DPY19L4: variants seen among roughly 807,000 people sequenced by gnomAD.
DPY19L4 encodes the protein dpy-19 like 4.
In DPY19L4, 97 loss-of-function variants were observed where a neutral mutation model predicts 102.8. The ratio of observed to expected loss-of-function variants is 0.94; its 90% CI spans 0.80 to 1.12. DPY19L4 has a LOEUF of 1.12. Ranked by LOEUF, DPY19L4 falls within the 50% of genes most tolerant of loss-of-function variation. The pLI is 0.00. For synonymous variants in DPY19L4, 252 were observed against 283.1 expected (o/e 0.89, Z 1.10); for missense variants, 815 against 850.4 (o/e 0.96, Z 0.52).
chr8:94,759,020 C>A (rs1036952891), intron 7 of DPY19L4, among the ~76,000 whole-genome samples: 2 of 152,136 alleles, frequency 1.3e-5, no homozygotes, highest in African/African-American at 4.8e-5. Flanking sequence ...TTGGTTCTTT[C>A]CAGTGGGTTC....
chr8:94,750,785 C>CTTTTT, intron 6 of DPY19L4, among the ~76,000 whole-genome samples: 1 of 140,968 alleles, frequency 7.1e-6, no homozygotes, highest in East Asian at 2.0e-4. Context: ...CCAAAATTTC[C>CTTTTT]TTTTTTTTTT....
At chr8:94,769,030 A>G (rs1586395239) in intron 12 of DPY19L4, among the ~76,000 whole-genome samples, 1 of 140,072 alleles carries the variant, frequency 7.1e-6, no homozygotes, top group Non-Finnish European at 1.6e-5. Context: ...AAAAAGTTGT[A>G]TTGACCAGAA....
intron 13 of DPY19L4, among the ~76,000 whole-genome samples, chr8:94,773,391 CTA>C (rs1813018052): frequency 6.6e-6 from 1 of 152,060 alleles, no homozygotes; most frequent in Non-Finnish European, 1.5e-5. Context: ...TGTGTACAAA[CTA>C]AATGTTTAAT....
intron 6 of DPY19L4, among the ~76,000 whole-genome samples, chr8:94,747,848 C>T (rs1232344283): frequency 6.6e-6 from 1 of 152,114 alleles, no homozygotes; most frequent in Non-Finnish European, 1.5e-5. Flanking sequence ...GCGTGAGCCA[C>T]CGCGCTGGGC....
intron 18 of DPY19L4, among the ~76,000 whole-genome samples, chr8:94,788,600 C>G (rs530053718): frequency 1.9e-4 from 29 of 151,952 alleles, no homozygotes; most frequent in African/African-American, 7.0e-4. Flanking sequence ...GCTGTTTTAC[C>G]AAGCTGTGTT....
chr8:94,790,802 A>G lies in DPY19L4; in HGVS notation c.*892A>G. 6.6e-6 allele frequency: 1 copy of G among 152,144 alleles called. No individual in the cohort carries two copies. The highest frequency in any genetic ancestry group is 1.5e-5 in the Non-Finnish European group (1 of 67,966). The allele number at this position is 152,144 out of a possible 1,614,324, so 9.4% of individuals were successfully genotyped here. ...TTATCAGAATAAAAATATGTGTTCT[A>G]AAATTAGCAACAATTTCTGGGGATA... On this transcript the variant is annotated 3_prime_UTR_variant, in exon 19 of 19. Transcript: ENST00000414645.
chr8:94,768,643 T>A (rs976830206), intron 12 of DPY19L4, 90 bp downstream of exon 12: 17 of 841,706 alleles, frequency 2.0e-5, no homozygotes, highest in Non-Finnish European at 2.7e-5. Flanking sequence ...AAGATTTCTG[T>A]ATTTGTTTTA....
chr8:94,740,523 C>T (rs1165211128), intron 6 of DPY19L4, among the ~76,000 whole-genome samples: 1 of 152,008 alleles, frequency 6.6e-6, no homozygotes, highest in Non-Finnish European at 1.5e-5. Flanking sequence ...GGTGCGATCT[C>T]GGCTCACTGC....
chr8:94,764,689 GTA>G (rs1189470959), intron 8 of DPY19L4, among the ~76,000 whole-genome samples: 13,330 of 42,936 alleles, frequency 0.31, 2,883 homozygotes, highest in East Asian at 0.44. Context: ...GTCTGTGTGT[GTA>G]TATATATATA....
rs190566562 is a variant in DPY19L4, at chr8:94,748,989, T to A, written c.612-7047T>A. Among the ~76,000 whole-genome samples, 1,262 of 152,294 alleles carry A rather than the reference T, an allele frequency of 8.3e-3. 11 individuals are homozygous for A. The highest frequency in any genetic ancestry group is 0.013 in the Non-Finnish European group (863 of 68,030). ...TCAGTTCCTTGTGGCTGGAGAGGCCTCACAATCATGGCAGAAGGTGAAAGG... is the reference window on the plus strand; with the variant it reads ...TCAGTTCCTTGTGGCTGGAGAGGCCACACAATCATGGCAGAAGGTGAAAGG... On this transcript the variant is annotated intron_variant, in intron 6 of 18. Transcript: ENST00000414645.
chr8:94,719,901 G>A lies in DPY19L4; in HGVS notation c.-98G>A, dbSNP rs976666882. The A allele has an allele frequency of 2.9e-6, 4 of 1,386,428 alleles. No individual in the cohort carries two copies. In the Middle Eastern group the frequency reaches 7.9e-4, roughly 275 times the overall value. The allele number at this position is 1,386,428 out of a possible 1,614,324, so 85.9% of individuals were successfully genotyped here. On this transcript the variant is annotated 5_prime_UTR_variant, in exon 1 of 19. Transcript: ENST00000414645. ...TCAGGAAGTGGGGGCGCGGCGGCCA[G>A]GAGCGGGCCCCCGGAGGCCGAGGGG...
At chr8:94,720,092 G>A in intron 1 of DPY19L4, 78 bp downstream of exon 1, 3 of 1,472,174 alleles carry the variant, frequency 2.0e-6, no homozygotes, top group Non-Finnish European at 2.7e-6. Context: ...GGAGGTCTGG[G>A]TTGGAGCTGC....
chr8:94,763,217 A>C (rs945751472), intron 8 of DPY19L4, among the ~76,000 whole-genome samples: 5 of 146,248 alleles, frequency 3.4e-5, no homozygotes, highest in Non-Finnish European at 6.0e-5. Context: ...AAAGCTTTGG[A>C]ATTACAGGTG....
At chr8:94,746,366 G>T (rs752325985) in intron 6 of DPY19L4, among the ~76,000 whole-genome samples, 4 of 152,070 alleles carry the variant, frequency 2.6e-5, no homozygotes, top group Non-Finnish European at 5.9e-5. Context: ...CAGCTTGTTT[G>T]TAATGATTTA....
At chr8:94,730,245 G>C (rs1311538711) in intron 2 of DPY19L4, among the ~76,000 whole-genome samples, 1 of 151,890 alleles carries the variant, frequency 6.6e-6, no homozygotes, top group African/African-American at 2.4e-5. Flanking sequence ...AAGGGACTGG[G>C]GCACATAGAA....
intron 8 of DPY19L4, 51 bp downstream of exon 8, chr8:94,761,885 A>G (rs761705741): frequency 4.5e-6 from 7 of 1,545,382 alleles, no homozygotes; most frequent in African/African-American, 1.4e-5. Flanking sequence ...ATGTATTTAT[A>G]GCATTGTATC....
chr8:94,770,106 C>T (rs1171326994), intron 12 of DPY19L4, among the ~76,000 whole-genome samples: 10 of 151,968 alleles, frequency 6.6e-5, no homozygotes, highest in Non-Finnish European at 1.0e-4. Flanking sequence ...AGGCTGGTCT[C>T]GAACTCTTGA....
intron 7 of DPY19L4, among the ~76,000 whole-genome samples, chr8:94,756,459 A>T (rs1812167054): frequency 6.6e-6 from 1 of 152,176 alleles, no homozygotes; most frequent in Non-Finnish European, 1.5e-5. Context: ...CACTTCTCGG[A>T]CTTCTGGAAC....
chr8:94,769,910 CAG>C (rs1394512710), intron 12 of DPY19L4, among the ~76,000 whole-genome samples: 2 of 134,392 alleles, frequency 1.5e-5, no homozygotes, highest in Non-Finnish European at 3.1e-5. Flanking sequence ...TTTTTTGAGA[CAG>C]AGTCTTACTC....
Sources: allele counts gnomAD v4.1 joint callset (sites outside exome capture counted in the v4.1 genomes callset), GRCh38; gene constraint gnomAD v4.1.1; transcripts MANE v1.5; gene names NCBI Gene and HGNC (gene_info 2026-07-23, HGNC 2026-07-21).